The following PTBP2 variants were observed in gnomAD, a reference collection of about 807,000 sequenced individuals.
The protein encoded by PTBP2 is polypyrimidine tract-binding protein 2.
In PTBP2, 13 loss-of-function variants were observed where a neutral mutation model predicts 61.4. The observed-to-expected ratio is 0.21, with a 90% confidence interval of 0.14 to 0.34. The LOEUF is 0.34. Among genes scored for constraint, PTBP2 ranks in the 10% least tolerant of loss-of-function variants. The probability of loss-of-function intolerance (pLI) is 1.00; values close to 1 mark genes in which losing one functional copy is unlikely to be tolerated. For synonymous variants in PTBP2, 215 were observed against 218.5 expected (o/e 0.98, Z 0.14); for missense variants, 405 against 642.6 (o/e 0.63, Z 4.00).
intron 11 of PTBP2, among the ~76,000 whole-genome samples, chr1:96,807,683 G>C (rs992553562): frequency 5.3e-5 from 8 of 152,136 alleles, no homozygotes; most frequent in Non-Finnish European, 7.3e-5. Flanking sequence ...AAGGACGAGT[G>C]TATTTTTGCT....
chr1:96,748,654 T>C (rs1266064635), intron 2 of PTBP2, among the ~76,000 whole-genome samples: 2 of 152,226 alleles, frequency 1.3e-5, no homozygotes, highest in Admixed American at 6.5e-5. Context: ...CTTAGATTAA[T>C]TAAAAATTTT....
chr1:96,721,922 G>A (rs374333701), intron 1 of PTBP2, 50 bp downstream of exon 1: 144 of 1,559,930 alleles, frequency 9.2e-5, no homozygotes, highest in Non-Finnish European at 1.2e-4. Context: ...GAGTTGGACC[G>A]TCCTTCGGCC....
chr1:96,752,665 T>C (rs991286031), intron 3 of PTBP2, among the ~76,000 whole-genome samples: 1 of 152,098 alleles, frequency 6.6e-6, no homozygotes, highest in Non-Finnish European at 1.5e-5. Flanking sequence ...GGTTTCTCTT[T>C]TTGTTTTTAC....
chr1:96,797,158 A>G (rs762971690), intron 8 of PTBP2, among the ~76,000 whole-genome samples: 4 of 151,310 alleles, frequency 2.6e-5, no homozygotes, highest in Non-Finnish European at 4.4e-5. Flanking sequence ...TGGCATTGAC[A>G]TCGGAAGCCA....
chr1:96,783,657 A>G (rs1164921647), intron 7 of PTBP2, among the ~76,000 whole-genome samples: 1 of 152,082 alleles, frequency 6.6e-6, no homozygotes, highest in Non-Finnish European at 1.5e-5. Context: ...ATCTTTTGAT[A>G]TTTATCTATT....
chr1:96,758,455 T>A (rs986569816), intron 3 of PTBP2, among the ~76,000 whole-genome samples: 1 of 152,092 alleles, frequency 6.6e-6, no homozygotes. Flanking sequence ...TATCAAGATT[T>A]CAGACTAGTA....
rs1651081001 is a variant in PTBP2 at position 96,729,541 on chromosome 1, C to G, written c.39+5947C>G. Among the ~76,000 whole-genome samples the G allele has an allele frequency of 7.9e-5, 12 of 152,146 alleles. 1 individual carries two copies. The South Asian group carries it at 2.3e-3, about 29-fold the overall frequency. The stretch of plus-strand genomic sequence containing the variant: ...TAACTGACACAGTTCACTAGTGAAG[C>G]CATGTGGGGCCAGATGTTTGTTTTG... On this transcript the variant is annotated intron_variant, in intron 2 of 13. Coordinates refer to ENST00000674951, the MANE Select transcript of PTBP2 (RefSeq NM_021190.4).
intron 3 of PTBP2, among the ~76,000 whole-genome samples, chr1:96,757,835 T>A (rs1655333994): frequency 6.6e-6 from 1 of 152,090 alleles, no homozygotes. Flanking sequence ...ATTATAGAAG[T>A]GTTACCACAA....
intron 5 of PTBP2, among the ~76,000 whole-genome samples, chr1:96,772,929 A>G (rs925523725): frequency 6.6e-6 from 1 of 150,554 alleles, no homozygotes; most frequent in Non-Finnish European, 1.5e-5. Flanking sequence ...CCTGACCAAC[A>G]TGGTGAAACC....
intron 2 of PTBP2, among the ~76,000 whole-genome samples, chr1:96,744,999 C>T (rs1421653677): frequency 2.0e-5 from 3 of 152,014 alleles, no homozygotes; most frequent in East Asian, 3.9e-4. Context: ...GACAAAATAC[C>T]TGATCACCTT....
chr1:96,735,969 A>G (rs867796980), intron 2 of PTBP2, among the ~76,000 whole-genome samples: 5 of 152,200 alleles, frequency 3.3e-5, no homozygotes, highest in Non-Finnish European at 7.3e-5. Flanking sequence ...GCAGCCAGAG[A>G]AAATCAGATT....
intron 3 of PTBP2, among the ~76,000 whole-genome samples, chr1:96,762,700 G>T (rs1323285223): frequency 6.6e-6 from 1 of 151,440 alleles, no homozygotes; most frequent in East Asian, 2.0e-4. Context: ...CCTGGATGGG[G>T]CGGCTGGCCT....
At chr1:96,774,539 C>G (rs1657798216) in intron 5 of PTBP2, among the ~76,000 whole-genome samples, 1 of 152,152 alleles carries the variant, frequency 6.6e-6, no homozygotes, top group Non-Finnish European at 1.5e-5. Context: ...ATGCATTAAC[C>G]ATGAATTCTT....
intron 7 of PTBP2, among the ~76,000 whole-genome samples, chr1:96,784,100 C>T (rs992807964): frequency 6.6e-6 from 1 of 152,034 alleles, no homozygotes; most frequent in Non-Finnish European, 1.5e-5. Flanking sequence ...TTCCATAACA[C>T]GACATGTTTA....
intron 8 of PTBP2, among the ~76,000 whole-genome samples, chr1:96,793,879 T>A (rs1660103140): frequency 6.6e-6 from 1 of 152,154 alleles, no homozygotes; most frequent in African/African-American, 2.4e-5. Flanking sequence ...TATTACGGGC[T>A]ACAGATGAGA....
At chr1:96,789,482 A>G (rs1570953909) in intron 8 of PTBP2, among the ~76,000 whole-genome samples, 1 of 152,102 alleles carries the variant, frequency 6.6e-6, no homozygotes, top group Non-Finnish European at 1.5e-5. Flanking sequence ...CTATGTAGCA[A>G]GAGTTGAGAA....
chr1:96,799,819 T>C (rs2101152736), intron 8 of PTBP2, among the ~76,000 whole-genome samples: 1 of 152,312 alleles, frequency 6.6e-6, no homozygotes, highest in Non-Finnish European at 1.5e-5. Flanking sequence ...TGAAATATTT[T>C]GTAGGTTTTT....
intron 3 of PTBP2, among the ~76,000 whole-genome samples, chr1:96,755,956 A>G (rs1655108250): frequency 6.6e-6 from 1 of 152,228 alleles, no homozygotes; most frequent in South Asian, 2.1e-4. Flanking sequence ...TATAATTTAA[A>G]TACATATACA....
chr1:96,754,106 G>A (rs2100925687), intron 3 of PTBP2, among the ~76,000 whole-genome samples: 2 of 152,160 alleles, frequency 1.3e-5, no homozygotes, highest in African/African-American at 4.8e-5. Flanking sequence ...TAGACACATA[G>A]TAGTCAAAAT....
Sources: gnomAD v4.1 joint callset for allele counts (sites outside exome capture counted in the v4.1 genomes callset) on GRCh38, gnomAD v4.1.1 for gene constraint, MANE v1.5 for transcripts, NCBI Gene and HGNC (gene_info 2026-07-23, HGNC 2026-07-21) for gene names.